Variants in RAD18 observed in about 807,000 individuals in gnomAD.
RAD18 encodes E3 ubiquitin-protein ligase RAD18.
Under a neutral mutation model 60.4 loss-of-function variants are expected in RAD18, and 47 were observed. That is an observed-to-expected ratio of 0.78 (90% CI 0.62 to 0.99). The LOEUF (loss-of-function observed/expected upper bound fraction) is 0.99. Ranked by LOEUF, RAD18 falls within the 50% of genes least tolerant of loss-of-function variation. The pLI is 0.00. For synonymous variants in RAD18, 225 were observed against 195.5 expected (o/e 1.15, Z -1.26); for missense variants, 640 against 593.3 (o/e 1.08, Z -0.82).
chr3:8,901,770 T>C (rs1939917202), intron 10 of RAD18, among the ~76,000 whole-genome samples: 1 of 152,192 alleles, frequency 6.6e-6, no homozygotes, highest in Non-Finnish European at 1.5e-5. Context: ...GCCAATGACT[T>C]GTACATTTAT....
chr3:8,881,092 C>T lies in RAD18; in HGVS notation c.*265G>A, dbSNP rs1054925821. 5 of 360,500 alleles carry T rather than the reference C, an allele frequency of 1.4e-5. No homozygotes were observed. Among genetic ancestry groups the T allele is most frequent in the African/African-American group, 2.1e-5 (1 of 46,754 alleles). 22.3% of individuals were successfully genotyped at this position (360,500 alleles called of 1,614,324 possible). ...TCCCTGTGCCAAAGTGCCAAAGAGT[C>T]TACCTCCTCTGCAAAGCTGGTACCT... On this transcript the variant is annotated 3_prime_UTR_variant, in exon 13 of 13. Transcript: ENST00000264926.
At chr3:8,927,737 A>G (rs1028295436) in intron 7 of RAD18, among the ~76,000 whole-genome samples, 3 of 152,244 alleles carry the variant, frequency 2.0e-5, no homozygotes, top group African/African-American at 7.2e-5. Context: ...GCCATAAAAA[A>G]TGATGAGTTC....
intron 2 of RAD18, among the ~76,000 whole-genome samples, chr3:8,953,551 C>A (rs1940960224): frequency 6.6e-6 from 1 of 152,128 alleles, no homozygotes; most frequent in Non-Finnish European, 1.5e-5. Flanking sequence ...AGAAGAACAG[C>A]TGAAGAGTTT....
At chr3:8,960,135 C>T (rs1378669378) in intron 1 of RAD18, among the ~76,000 whole-genome samples, 1 of 151,958 alleles carries the variant, frequency 6.6e-6, no homozygotes, top group Non-Finnish European at 1.5e-5. Context: ...AACAAAAATC[C>T]ATGTCTATAA....
chr3:8,887,183 G>C (rs747797585), intron 12 of RAD18, among the ~76,000 whole-genome samples: 5 of 152,196 alleles, frequency 3.3e-5, no homozygotes, highest in African/African-American at 1.2e-4. Context: ...TACTGAATCA[G>C]AATCTCTAGG....
At chr3:8,891,119 A>G (rs1407564972) in intron 11 of RAD18, among the ~76,000 whole-genome samples, 2 of 149,114 alleles carry the variant, frequency 1.3e-5, no homozygotes, top group Admixed American at 6.6e-5. Flanking sequence ...GCATACACAC[A>G]GTAACCTTTT....
At chr3:8,950,584 A>C (rs1451306095) in intron 2 of RAD18, among the ~76,000 whole-genome samples, 1 of 152,122 alleles carries the variant, frequency 6.6e-6, no homozygotes, top group Non-Finnish European at 1.5e-5. Context: ...CCCATACCTA[A>C]AGGCCTATTT....
chr3:8,917,401 C>A (rs1042951989), intron 7 of RAD18, among the ~76,000 whole-genome samples: 3 of 152,028 alleles, frequency 2.0e-5, no homozygotes, highest in African/African-American at 4.8e-5. Flanking sequence ...ATAAAATATA[C>A]TTTTTTCTCG....
intron 2 of RAD18, among the ~76,000 whole-genome samples, chr3:8,949,024 T>C (rs892592790): frequency 6.6e-6 from 1 of 152,216 alleles, no homozygotes. Context: ...GTCCCACATT[T>C]AACAAGCACT....
intron 4 of RAD18, among the ~76,000 whole-genome samples, chr3:8,943,135 T>C (rs1330664897): frequency 6.6e-6 from 1 of 152,216 alleles, no homozygotes; most frequent in Non-Finnish European, 1.5e-5. Flanking sequence ...TGTGACATCT[T>C]TCAAAAGAAG....
At chr3:8,961,387 GT>G (rs1244902380) in intron 1 of RAD18, among the ~76,000 whole-genome samples, 1 of 152,174 alleles carries the variant, frequency 6.6e-6, no homozygotes, top group Non-Finnish European at 1.5e-5. Context: ...ATACTCTTAA[GT>G]TTTTGGGGTT....
chr3:8,955,218 C>T (rs1473402689), intron 2 of RAD18, among the ~76,000 whole-genome samples: 1 of 152,178 alleles, frequency 6.6e-6, no homozygotes, highest in African/African-American at 2.4e-5. Context: ...TAGTACCACA[C>T]TCACTGGCCA....
chr3:8,921,289 C>A (rs1940315460), intron 7 of RAD18, among the ~76,000 whole-genome samples: 1 of 152,096 alleles, frequency 6.6e-6, no homozygotes, highest in Non-Finnish European at 1.5e-5. Flanking sequence ...TAAAAGAATG[C>A]AAAATTAAGA....
chr3:8,939,403 T>A (rs1432490891), intron 6 of RAD18, 151 bp downstream of exon 6: 2 of 541,634 alleles, frequency 3.7e-6, no homozygotes, highest in African/African-American at 3.9e-5. Flanking sequence ...AGGAGAGGGA[T>A]TGGAAGAAGT....
chr3:8,882,977 C>T (rs1376218651), intron 12 of RAD18, among the ~76,000 whole-genome samples: 1 of 152,172 alleles, frequency 6.6e-6, no homozygotes, highest in Non-Finnish European at 1.5e-5. Flanking sequence ...GGGAAAAACC[C>T]ATTTCGAGAT....
chr3:8,923,826 T>G (rs1940375472), intron 7 of RAD18, among the ~76,000 whole-genome samples: 2 of 151,990 alleles, frequency 1.3e-5, no homozygotes. Context: ...GCTTCGTAAG[T>G]GAAGGAGAAA....
intron 9 of RAD18, among the ~76,000 whole-genome samples, chr3:8,903,926 G>C (rs1467009557): frequency 6.6e-6 from 1 of 152,034 alleles, no homozygotes; most frequent in East Asian, 1.9e-4. Flanking sequence ...AAAAAATTGT[G>C]CTTCAGTTGA....
intron 4 of RAD18, 77 bp downstream of exon 4, chr3:8,947,143 A>G: frequency 9.0e-7 from 1 of 1,108,578 alleles, no homozygotes; most frequent in Non-Finnish European, 1.4e-6. Context: ...TCCCTAATCC[A>G]AAGGTGCACA....
chr3:8,915,680 T>C (rs1027179031), intron 7 of RAD18, among the ~76,000 whole-genome samples: 8 of 150,734 alleles, frequency 5.3e-5, no homozygotes, highest in African/African-American at 2.0e-4. Context: ...GCCTTCCGGG[T>C]TCACGCCATT....
Sources: gnomAD v4.1 joint callset for allele counts (sites outside exome capture counted in the v4.1 genomes callset) on GRCh38, gnomAD v4.1.1 for gene constraint, MANE v1.5 for transcripts, NCBI Gene and HGNC (gene_info 2026-07-23, HGNC 2026-07-21) for gene names.